Variants in DCAF7 observed in about 807,000 individuals in gnomAD.
DCAF7 encodes the protein DDB1 and CUL4 associated factor 7, also known as DDB1- and CUL4-associated factor 7.
In DCAF7, 4 loss-of-function variants were observed where a neutral mutation model predicts 41.2. The observed-to-expected ratio is 0.10, with a 90% CI of 0.05 to 0.22. The LOEUF is 0.22. Ranked by LOEUF, DCAF7 falls within the 10% of genes least tolerant of loss-of-function variation. DCAF7 has a pLI of 1.00. For synonymous variants in DCAF7, 143 were observed against 164.2 expected, an observed-to-expected ratio of 0.87 and a Z score of 0.99; for missense variants, 131 against 443.2, an observed-to-expected ratio of 0.30 and a Z score of 6.32.
intron 1 of DCAF7, among the ~76,000 whole-genome samples, chr17:63,552,040 T>A (rs776749588): frequency 1.5e-4 from 22 of 150,996 alleles, no homozygotes; most frequent in Admixed American, 7.9e-4. Flanking sequence ...ATGGCGCCAC[T>A]GCACTCCAGC....
rs749052648 is a variant in DCAF7 at position 63,579,417 on chromosome 17, T to C, written c.378T>C (p.Phe126=). The C allele has an allele frequency of 1.2e-6, 2 of 1,609,604 alleles. No individual in the cohort carries two copies. The highest frequency in any genetic ancestry group is 1.1e-5 in the South Asian group (1 of 89,886). Residue 126 remains phenylalanine (F), a synonymous_variant, in exon 3 of 7, where the codon TTT becomes TTC. Coordinates refer to ENST00000614556, the MANE Select transcript of DCAF7 (RefSeq NM_005828.5). ...NSDFCAPLTS[F]DWNEVDPYLL... is the part of the protein sequence containing the mutation. ...ATTTCTGTGCTCCCCTGACCTCCTT[T>C]GACTGGAATGAGGTGGATCCTTATC...
In DCAF7 at chr17:63,591,364, A is replaced by G. The variant is rs545537071; in HGVS notation, c.*2192A>G. The stretch of plus-strand genomic sequence containing the variant: ...TCAGAAACAACAACTTGAAAAAAAA[A>G]TAATAATTAGAACATATTTGCATAA... On this transcript the variant is annotated 3_prime_UTR_variant, in exon 7 of 7. Coordinates refer to ENST00000614556, the MANE Select transcript of DCAF7 (RefSeq NM_005828.5). The G allele has an allele frequency of 6.6e-6, 1 of 152,242 alleles. No individual in the cohort carries two copies. The highest frequency in any genetic ancestry group is 2.1e-4 in the South Asian group (1 of 4,832). 9.4% of individuals were successfully genotyped at this position (152,242 alleles called of 1,614,324 possible).
intron 4 of DCAF7, among the ~76,000 whole-genome samples, chr17:63,582,445 G>GCT (rs1410986708): frequency 1.3e-5 from 2 of 150,596 alleles, no homozygotes. Context: ...TCTGTCTCTG[G>GCT]CTCTCTCTTC....
chr17:63,565,088 T>C (rs1211068450), intron 1 of DCAF7, among the ~76,000 whole-genome samples: 1 of 152,152 alleles, frequency 6.6e-6, no homozygotes, highest in African/African-American at 2.4e-5. Context: ...TGGTAAGCTA[T>C]GATCATGCCA....
Position 63,550,502 on chromosome 17 carries a change from A to G in DCAF7, c.-176A>G, listed in dbSNP as rs2033235811. On this transcript the variant is annotated 5_prime_UTR_variant, in exon 1 of 7. Transcript: ENST00000614556. The surrounding 1 kb of genome is among the most constrained non-coding windows in gnomAD (Gnocchi z 4.8). ...GTCGTCCGTTCCCAAGCTGGTTTGA[A>G]ACTAGGGGTCGGGCTCGGCCGTCGT... 1.9e-6 allele frequency: 2 copies of G among 1,049,828 alleles called. No individual in the cohort carries two copies. Among genetic ancestry groups the G allele is most frequent in the South Asian group, 1.8e-5 (1 of 56,164 alleles). The allele number at this position is 1,049,828 out of a possible 1,614,324, so 65.0% of individuals were successfully genotyped here.
intron 1 of DCAF7, among the ~76,000 whole-genome samples, chr17:63,571,133 C>A (rs988244466): frequency 6.3e-4 from 95 of 151,900 alleles, no homozygotes; most frequent in Non-Finnish European, 2.2e-4. Flanking sequence ...TTGTAGTGAG[C>A]CAAGATCGTG....
chr17:63,589,037 A>G lies in DCAF7; in HGVS notation c.894A>G (p.Gln298=), dbSNP rs760668302. The change falls in exon 7 of 7, where the codon CAA becomes CAG. Residue 298 remains glutamine, a synonymous_variant. Coordinates refer to ENST00000614556, the MANE Select transcript of DCAF7 (RefSeq NM_005828.5). ...AGGCTCTCATCTGGGACATCCAGCA[A>G]ATGCCCCGAGCCATTGAGGACCCTA... ...DHQALIWDIQ[Q]MPRAIEDPIL... is the part of the protein sequence containing the mutation. 2.5e-6 allele frequency: 4 copies of G among 1,613,556 alleles called. No homozygotes were observed. The East Asian group carries it at 8.9e-5, about 36-fold the overall frequency.
At chr17:63,565,218 G>C (rs1568099702) in intron 1 of DCAF7, among the ~76,000 whole-genome samples, 1 of 152,180 alleles carries the variant, frequency 6.6e-6, no homozygotes, top group Non-Finnish European at 1.5e-5. Context: ...AATGTTCTAA[G>C]CTGGTGATTT....
chr17:63,550,722 G>A lies in DCAF7; in HGVS notation c.45G>A (p.Ala15=). Residue 15 remains alanine (A), a synonymous_variant, in exon 1 of 7, where the codon GCG becomes GCA. Transcript: ENST00000614556. The surrounding 1 kb of genome is among the most constrained non-coding windows in gnomAD (Gnocchi z 4.8). ...GGAAGGAGATCTACAAGTATGAAGC[G>A]CCCTGGACAGTCTACGCGATGAACT... ...GKRKEIYKYE[A]PWTVYAMNWS... 6.2e-7 allele frequency: 1 copy of A among 1,613,882 alleles called. No homozygotes were observed. Among genetic ancestry groups the A allele is most frequent in the Non-Finnish European group, 8.5e-7 (1 of 1,179,832 alleles).
intron 1 of DCAF7, among the ~76,000 whole-genome samples, chr17:63,562,363 T>C (rs2033391438): frequency 6.6e-6 from 1 of 152,154 alleles, no homozygotes; most frequent in African/African-American, 2.4e-5. Flanking sequence ...AAATTTGTCA[T>C]GAGGCAGTGG....
intron 6 of DCAF7, among the ~76,000 whole-genome samples, chr17:63,586,629 G>T (rs894541606): frequency 6.6e-6 from 1 of 151,972 alleles, no homozygotes; most frequent in Non-Finnish European, 1.5e-5. Flanking sequence ...GGGCGTGGTG[G>T]CACATGCCTG....
At chr17:63,568,869 A>G (rs1032927921) in intron 1 of DCAF7, among the ~76,000 whole-genome samples, 22 of 152,182 alleles carry the variant, frequency 1.4e-4, no homozygotes, top group African/African-American at 5.3e-4. Flanking sequence ...CTTTCCCTGC[A>G]GCTCCATGCA....
Position 63,559,367 on chromosome 17 carries a change from ATATATATGTG to A in DCAF7, c.138+8560_138+8569del, listed in dbSNP as rs1568097731. On this transcript the variant is annotated intron_variant, in intron 1 of 6. Transcript: ENST00000614556. ...TATATACGTATATATATGTATGTAT[ATATATATGTG>A]TATATATATGTATATATATATGTAT... is the stretch of plus-strand genomic sequence containing the variant. 1.1e-3 allele frequency among the ~76,000 whole-genome samples: 115 copies of A among 100,762 alleles called. 1 individual carries two copies. The highest frequency in any genetic ancestry group is 5.3e-3 in the African/African-American group (100 of 18,782). The allele number at this position is 100,762 out of a possible 152,430, so 66.1% of individuals were successfully genotyped here.
chr17:63,566,969 T>C (rs995881552), intron 1 of DCAF7, among the ~76,000 whole-genome samples: 3 of 152,172 alleles, frequency 2.0e-5, no homozygotes, highest in Non-Finnish European at 2.9e-5. Flanking sequence ...CTTTTTTCTT[T>C]CTTTCTTTCT....
intron 1 of DCAF7, among the ~76,000 whole-genome samples, chr17:63,563,634 C>A (rs1040847512): frequency 2.6e-5 from 4 of 151,966 alleles, no homozygotes; most frequent in African/African-American, 9.7e-5. Context: ...ATGGTGAAAT[C>A]CCATCTCTAT....
intron 4 of DCAF7, among the ~76,000 whole-genome samples, chr17:63,580,490 A>G (rs1041921715): frequency 1.4e-5 from 2 of 146,636 alleles, no homozygotes; most frequent in Non-Finnish European, 3.0e-5. Flanking sequence ...AAAACTGAGA[A>G]GAGCTATTTG....
At chr17:63,556,557 A>G (rs2033313193) in intron 1 of DCAF7, among the ~76,000 whole-genome samples, 1 of 150,486 alleles carries the variant, frequency 6.6e-6, no homozygotes, top group South Asian at 2.1e-4. Context: ...CAACAGAGCA[A>G]GACTGTTTCA....
intron 1 of DCAF7, among the ~76,000 whole-genome samples, chr17:63,565,350 G>A (rs1285803299): frequency 2.0e-5 from 3 of 151,988 alleles, no homozygotes; most frequent in African/African-American, 4.8e-5. Context: ...TGAGGTGGGC[G>A]GATCACCTGG....
chr17:63,583,176 TTGTTGTGTGGCAGAAGACA>T (rs2033642247), intron 4 of DCAF7, among the ~76,000 whole-genome samples: 1 of 152,214 alleles, frequency 6.6e-6, no homozygotes, highest in Non-Finnish European at 1.5e-5. Context: ...TGTCTCATTC[TTGTTGTGTGGCAGAAGACA>T]GCCACTGTTC....
Sources: gnomAD v4.1 joint callset for allele counts (sites outside exome capture counted in the v4.1 genomes callset) on GRCh38, gnomAD v4.1.1 for gene constraint, Gnocchi (gnomAD v3.1) non-coding constraint, MANE v1.5 for transcripts, NCBI Gene and HGNC (gene_info 2026-07-23, HGNC 2026-07-21) for gene names.